The following BRAF variants were observed in gnomAD, a reference collection of about 807,000 sequenced individuals.
BRAF encodes the protein B-Raf proto-oncogene, serine/threonine kinase, also known as serine/threonine-protein kinase B-raf.
Under a neutral mutation model 104.6 loss-of-function variants are expected in BRAF, and 16 were observed. The observed-to-expected ratio is 0.15, with a 90% confidence interval of 0.10 to 0.23. BRAF has a LOEUF of 0.23. Ranked by LOEUF, BRAF falls within the 10% of genes least tolerant of loss-of-function variation. The pLI is 1.00. For synonymous variants in BRAF, 310 were observed against 341.6 expected, an observed-to-expected ratio of 0.91 and a Z score of 1.02; for missense variants, 541 against 937.3, an observed-to-expected ratio of 0.58 and a Z score of 5.52.
intron 14 of BRAF, among the ~76,000 whole-genome samples, chr7:140,754,672 A>G (rs1322088512): frequency 6.6e-6 from 1 of 152,172 alleles, no homozygotes; most frequent in African/African-American, 2.4e-5. Context: ...CTAACTCCTG[A>G]GTGAAGCTTT....
chr7:140,736,014 C>T (rs924227150), intron 18 of BRAF, among the ~76,000 whole-genome samples: 3 of 151,426 alleles, frequency 2.0e-5, no homozygotes, highest in Admixed American at 6.6e-5. Context: ...GAGTATAAGG[C>T]TCTCAAATCC....
chr7:140,735,277 A>G (rs2364399), intron 18 of BRAF, among the ~76,000 whole-genome samples: 46,556 of 152,150 alleles, frequency 0.31, 11,029 homozygotes, highest in African/African-American at 0.66. Context: ...AGAACCTCAC[A>G]GACCCAGAGT....
At chr7:140,830,228 T>C (rs1333647686) in intron 3 of BRAF, among the ~76,000 whole-genome samples, 1 of 152,220 alleles carries the variant, frequency 6.6e-6, no homozygotes. Flanking sequence ...TCTCTGTTGC[T>C]GTTGGTGTTC....
At chr7:140,813,503 T>C (rs1303397758) in intron 3 of BRAF, among the ~76,000 whole-genome samples, 1 of 152,156 alleles carries the variant, frequency 6.6e-6, no homozygotes, top group East Asian at 1.9e-4. Context: ...TAGTCAAGCA[T>C]ACTTCTGGGA....
chr7:140,779,195 G>C (rs1352248289), intron 12 of BRAF, among the ~76,000 whole-genome samples: 2 of 152,142 alleles, frequency 1.3e-5, no homozygotes, highest in Non-Finnish European at 2.9e-5. Context: ...GCTAGAAGAG[G>C]ACATGGGAGG....
chr7:140,722,997 T>C lies in BRAF; in HGVS notation c.*3497A>G, dbSNP rs1795391992. The C allele has an allele frequency of 1.9e-6, 2 of 1,053,264 alleles. No homozygotes were observed. Among genetic ancestry groups the C allele is most frequent in the South Asian group, 4.6e-5 (1 of 21,890 alleles). The allele number at this position is 1,053,264 out of a possible 1,614,324, so 65.2% of individuals were successfully genotyped here. A position where few individuals can be genotyped will look rare whatever the true frequency, so the allele number is the denominator to read the frequency against. ...ATACAAGTACACAAAAAAGTTAAAA[T>C]CTTAAATCATCGTCATGTTCTAGAG... On this transcript the variant is annotated 3_prime_UTR_variant, in exon 20 of 20. Transcript: ENST00000644969.
chr7:140,924,603 G>GCGGCGC lies in BRAF; in HGVS notation c.95_100dup (p.Gly32_Ala33dup), dbSNP rs397507458. The GCGGCGC allele has an allele frequency of 1.8e-4, 270 of 1,528,868 alleles. No individual in the cohort carries two copies. Among genetic ancestry groups the GCGGCGC allele is most frequent in the African/African-American group, 2.6e-4 (19 of 72,394 alleles). 94.7% of individuals were successfully genotyped at this position (1,528,868 alleles called of 1,614,324 possible). On this transcript the variant is annotated inframe_insertion, in exon 1 of 20. Coordinates refer to ENST00000644969, the MANE Select transcript of BRAF (RefSeq NM_001374258.1). The surrounding 1 kb of genome is among the most constrained non-coding windows in gnomAD (Gnocchi z 4.2). ...GGCAGGGTCCGCAGCCGAAGAGGCC[G>GCGGCGC]CGGCGCCGGCGCCGGCGCCGGCCTC...
At chr7:140,759,450 G>A (rs532926519) in intron 14 of BRAF, among the ~76,000 whole-genome samples, 4 of 152,284 alleles carry the variant, frequency 2.6e-5, no homozygotes, top group South Asian at 2.1e-4. Context: ...GCAATGGCAC[G>A]ATTTTGGCTC....
At chr7:140,767,740 A>C (rs1799465051) in intron 14 of BRAF, among the ~76,000 whole-genome samples, 1 of 152,224 alleles carries the variant, frequency 6.6e-6, no homozygotes, top group African/African-American at 2.4e-5. Flanking sequence ...GGTTAAAGGA[A>C]TACACCCTGG....
intron 6 of BRAF, among the ~76,000 whole-genome samples, 191 bp from the exon 7 acceptor site, chr7:140,800,672 A>AT (rs1340099599): frequency 6.6e-6 from 1 of 152,256 alleles, no homozygotes; most frequent in Non-Finnish European, 1.5e-5. Context: ...AGGCATGCTT[A>AT]TAACTTAAAA....
At chr7:140,844,621 A>G (rs1808350747) in intron 2 of BRAF, among the ~76,000 whole-genome samples, 1 of 152,222 alleles carries the variant, frequency 6.6e-6, no homozygotes, top group Non-Finnish European at 1.5e-5. Flanking sequence ...AAAGAGAAAC[A>G]TCCTTTATAA....
At chr7:140,854,200 C>T (rs1238407166) in intron 1 of BRAF, among the ~76,000 whole-genome samples, 3 of 152,110 alleles carry the variant, frequency 2.0e-5, no homozygotes, top group Non-Finnish European at 4.4e-5. Flanking sequence ...TTCCTTAGAG[C>T]ATCCCTCTAT....
At chr7:140,747,364 A>G (rs1797438639) in intron 17 of BRAF, 2 of 1,266,084 alleles carry the variant, frequency 1.6e-6, no homozygotes, top group Non-Finnish European at 2.0e-6. Flanking sequence ...TAAAGGCCTT[A>G]CCCTTCTGTT....
At chr7:140,790,513 T>C (rs1255031713) in intron 8 of BRAF, among the ~76,000 whole-genome samples, 2 of 152,224 alleles carry the variant, frequency 1.3e-5, no homozygotes, top group Admixed American at 6.5e-5. Flanking sequence ...TGCATATTAA[T>C]ATTAGCTATA....
intron 14 of BRAF, among the ~76,000 whole-genome samples, chr7:140,770,142 T>G (rs953191199): frequency 6.6e-6 from 1 of 152,206 alleles, no homozygotes; most frequent in Admixed American, 6.5e-5. Context: ...CCTTGCATTT[T>G]CTGATTATTA....
At chr7:140,753,897 G>A in intron 15 of BRAF, 1 of 469,544 alleles carries the variant, frequency 2.1e-6, no homozygotes, top group Non-Finnish European at 3.9e-6. Context: ...CTAATAGATA[G>A]CTACAAAACT....
chr7:140,810,365 T>TC (rs1373365605), intron 3 of BRAF, among the ~76,000 whole-genome samples: 1 of 152,080 alleles, frequency 6.6e-6, no homozygotes, highest in Non-Finnish European at 1.5e-5. Flanking sequence ...GGTCAGGAGT[T>TC]CGAGACCAGC....
At chr7:140,852,929 T>TCTCTC (rs1809345921) in intron 1 of BRAF, among the ~76,000 whole-genome samples, 1 of 152,208 alleles carries the variant, frequency 6.6e-6, no homozygotes. Flanking sequence ...TTGACTCTTT[T>TCTCTC]CTCACATCTG....
intron 14 of BRAF, among the ~76,000 whole-genome samples, chr7:140,761,005 C>T (rs1259442864): frequency 6.6e-6 from 1 of 152,160 alleles, no homozygotes; most frequent in Non-Finnish European, 1.5e-5. Context: ...TCTAGCAAGG[C>T]AGGCCAATGT....
Sources: allele counts gnomAD v4.1 joint callset (sites outside exome capture counted in the v4.1 genomes callset), GRCh38; gene constraint gnomAD v4.1.1; non-coding constraint Gnocchi (gnomAD v3.1); transcripts MANE v1.5; gene names NCBI Gene and HGNC (gene_info 2026-07-23, HGNC 2026-07-21).